FNDC3B: variants seen among roughly 807,000 people sequenced by gnomAD.
The protein encoded by FNDC3B is fibronectin type III domain-containing protein 3B.
A neutral mutation model predicts 151.5 loss-of-function variants in FNDC3B; 12 were observed. That is an observed-to-expected ratio of 0.08 (90% CI 0.05 to 0.13). The LOEUF (loss-of-function observed/expected upper bound fraction) is 0.13, where lower values mean the gene tolerates loss of function less well. FNDC3B is among the 10% of genes least tolerant of loss of function. The pLI is 1.00. For missense variants in FNDC3B, 1,214 were observed against 1,505.3 expected (o/e 0.81, Z 3.20); for synonymous variants, 528 against 549.0 (o/e 0.96, Z 0.54).
At chr3:172,140,821 CCTT>C (rs1339249522) in intron 3 of FNDC3B, among the ~76,000 whole-genome samples, 1 of 152,190 alleles carries the variant, frequency 6.6e-6, no homozygotes, top group Admixed American at 6.5e-5. Flanking sequence ...CTGCCTTTCT[CCTT>C]CTTCCTGTCT....
chr3:172,069,149 G>A (rs1309231355), intron 1 of FNDC3B, among the ~76,000 whole-genome samples: 1 of 152,080 alleles, frequency 6.6e-6, no homozygotes, highest in Middle Eastern at 3.2e-3. Flanking sequence ...CAATTTACTT[G>A]ACCTGGTAAC....
chr3:172,255,260 T>C (rs1245362851), intron 6 of FNDC3B, among the ~76,000 whole-genome samples: 1 of 152,190 alleles, frequency 6.6e-6, no homozygotes, highest in Non-Finnish European at 1.5e-5. Context: ...CTCTGAAAGT[T>C]GCTTCCAGGC....
intron 15 of FNDC3B, 49 bp downstream of exon 15, chr3:172,335,131 T>C: frequency 6.7e-7 from 1 of 1,492,392 alleles, no homozygotes; most frequent in South Asian, 1.3e-5. Flanking sequence ...TTTCTTTTGA[T>C]AGATTTTTAA....
intron 6 of FNDC3B, among the ~76,000 whole-genome samples, chr3:172,281,772 T>TG (rs1462141627): frequency 1.3e-5 from 2 of 152,148 alleles, no homozygotes; most frequent in Non-Finnish European, 1.5e-5. Context: ...CAGACAGAGT[T>TG]TTCAGCTTGA....
At chr3:172,346,186 T>G in intron 19 of FNDC3B, 141 bp from the exon 20 acceptor site, 1 of 438,142 alleles carries the variant, frequency 2.3e-6, no homozygotes. Context: ...GTGAAAATCA[T>G]TGGGTAATAT....
intron 3 of FNDC3B, among the ~76,000 whole-genome samples, chr3:172,199,618 A>G (rs1181963678): frequency 1.3e-5 from 2 of 152,244 alleles, no homozygotes; most frequent in Non-Finnish European, 2.9e-5. Context: ...AACTAATTTT[A>G]CCATAGGCTA....
intron 7 of FNDC3B, 57 bp downstream of exon 7, chr3:172,286,041 C>CT (rs67373503): frequency 0.032 from 33,272 of 1,042,266 alleles, 3 homozygotes; most frequent in Non-Finnish European, 0.035. Flanking sequence ...TTCAAATGTG[C>CT]TTTTTTTTTT....
chr3:172,379,125 C>T (rs936717373), intron 24 of FNDC3B, among the ~76,000 whole-genome samples: 3 of 152,166 alleles, frequency 2.0e-5, no homozygotes, highest in African/African-American at 4.8e-5. Flanking sequence ...TGCCTGACTG[C>T]GGCTGACTTG....
chr3:172,142,237 C>G (rs1236085752), intron 3 of FNDC3B, among the ~76,000 whole-genome samples: 5 of 152,120 alleles, frequency 3.3e-5, no homozygotes, highest in South Asian at 2.1e-4. Flanking sequence ...TTTTTGTTAG[C>G]TAATCATTTT....
Position 172,352,860 on chromosome 3 carries a change from G to C in FNDC3B, c.2572G>C (p.Ala858Pro), listed in dbSNP as rs1733923645. ...YSELVLCQTPASAPDPVSTLC... is the reference protein window; with the variant it reads ...YSELVLCQTPPSAPDPVSTLC... ...TGAACTTGTCCTTTGCCAGACGCCAGCGTCTGCCCCTGACCCCGTCTCCAC... is the reference window on the plus strand; with the variant it reads ...TGAACTTGTCCTTTGCCAGACGCCACCGTCTGCCCCTGACCCCGTCTCCAC... Residue 858 changes from alanine to proline, a missense_variant, in exon 22 of 26, where the codon GCG becomes CCG. Around this residue, in one of 7 missense-constraint regions of FNDC3B, gnomAD observed 380 missense variants for 420.9 expected, o/e 0.90. Transcript: ENST00000415807. This position sits in a 1 kb window ranked among gnomAD's most constrained non-coding sequence, Gnocchi z 4.2. The C allele has an allele frequency of 1.2e-6, 2 of 1,614,208 alleles. No individual in the cohort carries two copies. Among genetic ancestry groups the C allele is most frequent in the Non-Finnish European group, 1.7e-6 (2 of 1,180,030 alleles).
At chr3:172,259,482 G>T (rs550827497) in intron 6 of FNDC3B, among the ~76,000 whole-genome samples, 13 of 152,324 alleles carry the variant, frequency 8.5e-5, no homozygotes, top group African/African-American at 3.1e-4. Flanking sequence ...ACAGAAGCCT[G>T]TTTCATAAGG....
intron 3 of FNDC3B, among the ~76,000 whole-genome samples, chr3:172,198,217 G>C (rs1724948185): frequency 2.1e-5 from 1 of 47,106 alleles, no homozygotes; most frequent in Non-Finnish European, 3.9e-5. Context: ...ATTTCTCTAA[G>C]AAGTCCTGGC....
chr3:172,135,039 T>C (rs893324413), intron 3 of FNDC3B, among the ~76,000 whole-genome samples: 6 of 151,532 alleles, frequency 4.0e-5, no homozygotes, highest in African/African-American at 1.5e-4. Context: ...GTCACCTATA[T>C]GGGATGAAGC....
chr3:172,367,254 A>T lies in FNDC3B; in HGVS notation c.3008+4409A>T, dbSNP rs570854818. 7.7e-5 allele frequency among the ~76,000 whole-genome samples: 11 copies of T among 142,390 alleles called. No individual in the cohort carries two copies. The South Asian group carries it at 2.6e-3, about 34-fold the overall frequency. The allele number at this position is 142,390 out of a possible 152,430, so 93.4% of individuals were successfully genotyped here. Reference sequence around the variant, plus strand: ...GAACTAAGTTCATTTCAATGATAAGATTATGATCATTCAATCATCGATTTT... The same window carrying T: ...GAACTAAGTTCATTTCAATGATAAGTTTATGATCATTCAATCATCGATTTT... On this transcript the variant is annotated intron_variant, in intron 23 of 25. Transcript: ENST00000415807.
At position 172,328,991 on chromosome 3, in the gene FNDC3B, A is replaced by G. The variant is rs1240606113; in HGVS notation, c.1294A>G (p.Ser432Gly). ...NSGFRQCFFGSQKHCKLTKLC... is the reference protein window; with the variant it reads ...NSGFRQCFFGGQKHCKLTKLC... ...TGGTTTCAGACAGTGCTTCTTCGGG[A>G]GCCAGAAGCACTGCAAGTTGACAAA... The change falls in exon 12 of 26, where the codon AGC (serine) becomes GGC (glycine). Residue 432 changes from serine to glycine, a missense_variant. Physicochemically the swap from Ser to Gly is moderately conservative, Grantham distance 56 (BLOSUM62 0). This residue lies in a region of FNDC3B where 156 missense variants were observed against 225.3 expected (regional missense o/e 0.69). Transcript: ENST00000415807. 1 of 1,612,848 alleles carries G rather than the reference A, an allele frequency of 6.2e-7. No homozygotes were observed. Among genetic ancestry groups the G allele is most frequent in the African/African-American group, 1.3e-5 (1 of 74,678 alleles).
intron 4 of FNDC3B, among the ~76,000 whole-genome samples, chr3:172,227,930 A>C (rs1319895082): frequency 1.3e-5 from 2 of 152,202 alleles, no homozygotes; most frequent in Non-Finnish European, 2.9e-5. Flanking sequence ...GCTACATAGG[A>C]AAGTTGCTGA....
chr3:172,122,920 T>A (rs1158902304), intron 2 of FNDC3B, among the ~76,000 whole-genome samples: 1 of 152,216 alleles, frequency 6.6e-6, no homozygotes, highest in East Asian at 1.9e-4. Context: ...GTTACTAAGG[T>A]TCCATTTCTG....
chr3:172,281,546 G>T (rs567758708), intron 6 of FNDC3B, among the ~76,000 whole-genome samples: 38 of 152,340 alleles, frequency 2.5e-4, no homozygotes, highest in Admixed American at 7.2e-4. Context: ...GGCTGCTTCA[G>T]TGTAAGGAAT....
chr3:172,291,793 T>C (rs1730357035), intron 7 of FNDC3B, among the ~76,000 whole-genome samples: 1 of 152,188 alleles, frequency 6.6e-6, no homozygotes, highest in Non-Finnish European at 1.5e-5. Context: ...TGGTGATCAC[T>C]GTGATGATCA....
Sources: allele counts gnomAD v4.1 joint callset (sites outside exome capture counted in the v4.1 genomes callset), GRCh38; gene constraint gnomAD v4.1.1; regional missense constraint gnomAD v4.1.1; non-coding constraint Gnocchi (gnomAD v3.1); transcripts MANE v1.5; gene names NCBI Gene and HGNC (gene_info 2026-07-23, HGNC 2026-07-21).